LNPK: variants seen among roughly 807,000 people sequenced by gnomAD.
The protein encoded by LNPK is lunapark, ER junction formation factor, also known as endoplasmic reticulum junction formation protein lunapark.
In LNPK, 29 loss-of-function variants were observed where a neutral mutation model predicts 55.2. The ratio of observed to expected loss-of-function variants is 0.53; its 90% CI spans 0.39 to 0.72. The LOEUF (loss-of-function observed/expected upper bound fraction) is 0.72. Among genes scored for constraint, LNPK ranks in the 30% least tolerant of loss-of-function variants. The pLI is 0.00. For missense variants in LNPK, 467 were observed against 494.8 expected, an observed-to-expected ratio of 0.94 and a Z score of 0.53; for synonymous variants, 162 against 168.2, an observed-to-expected ratio of 0.96 and a Z score of 0.29.
chr2:175,979,023 A>T (rs184075246), intron 5 of LNPK, among the ~76,000 whole-genome samples: 3,062 of 152,256 alleles, frequency 0.02, 45 homozygotes, highest in Non-Finnish European at 0.034. Context: ...AACAAATAAA[A>T]TTTTTTTAAA....
At chr2:175,977,154 G>T (rs1348503658) in intron 5 of LNPK, among the ~76,000 whole-genome samples, 1 of 152,180 alleles carries the variant, frequency 6.6e-6, no homozygotes, top group Non-Finnish European at 1.5e-5. Context: ...CTGAAGGGAA[G>T]AGACTGGACT....
At chr2:175,990,164 T>A (rs1187698145) in intron 4 of LNPK, among the ~76,000 whole-genome samples, 1 of 152,224 alleles carries the variant, frequency 6.6e-6, no homozygotes, top group Admixed American at 6.5e-5. Context: ...ATGTTGAAAT[T>A]TGTCCCCCAG....
At position 175,975,484 on chromosome 2, in the gene LNPK, G is replaced by A. The variant is rs114603829; in HGVS notation, c.316+4326C>T. Among the ~76,000 whole-genome samples the A allele has an allele frequency of 2.8e-3, 428 of 152,162 alleles. 6 individuals are homozygous for A. The East Asian group carries it at 0.049, about 17-fold the overall frequency. On this transcript the variant is annotated intron_variant, in intron 5 of 12. Transcript: ENST00000272748. The stretch of plus-strand genomic sequence containing the variant: ...ATTTTTTTGTGGGTACATAGTGGCC[G>A]TATATATTTATGGGGTGCATGAGAT...
intron 12 of LNPK, among the ~76,000 whole-genome samples, chr2:175,935,172 T>C (rs1684479901): frequency 6.6e-6 from 1 of 152,218 alleles, no homozygotes; most frequent in Non-Finnish European, 1.5e-5. Flanking sequence ...AAAGTTATCT[T>C]TTGGTTCCAT....
chr2:175,993,059 A>T (rs904083639), intron 3 of LNPK, 123 bp downstream of exon 3: 2 of 590,024 alleles, frequency 3.4e-6, no homozygotes, highest in Non-Finnish European at 5.8e-6. Context: ...TAAAGTTCTC[A>T]GACTCACTCT....
At chr2:175,969,255 C>T (rs911130806) in intron 6 of LNPK, among the ~76,000 whole-genome samples, 6 of 152,166 alleles carry the variant, frequency 3.9e-5, no homozygotes, top group African/African-American at 1.4e-4. Context: ...GCCTAATGAA[C>T]CATTTAAACT....
chr2:175,958,668 G>A (rs185992224), intron 8 of LNPK, among the ~76,000 whole-genome samples: 74 of 152,244 alleles, frequency 4.9e-4, no homozygotes, highest in Middle Eastern at 3.4e-3. Flanking sequence ...CTTCTCTTCC[G>A]AAGGATTGCA....
At chr2:175,960,498 T>C (rs1370905667) in intron 8 of LNPK, among the ~76,000 whole-genome samples, 6 of 152,136 alleles carry the variant, frequency 3.9e-5, no homozygotes, top group African/African-American at 1.4e-4. Context: ...ATAAAGATGT[T>C]CTTTGAAATC....
chr2:175,961,626 C>T (rs1032745313), intron 8 of LNPK, among the ~76,000 whole-genome samples: 1 of 152,120 alleles, frequency 6.6e-6, no homozygotes, highest in Admixed American at 6.5e-5. Flanking sequence ...GGAAGCATTC[C>T]CTTTGAAAAC....
chr2:175,976,032 AAG>A (rs1206868971), intron 5 of LNPK, among the ~76,000 whole-genome samples: 2 of 152,174 alleles, frequency 1.3e-5, no homozygotes, highest in African/African-American at 2.4e-5. Context: ...GAAAGAAAGA[AAG>A]AAACTGTAAG....
chr2:175,947,310 C>A (rs1405723290), intron 9 of LNPK, among the ~76,000 whole-genome samples, 170 bp downstream of exon 9: 1 of 152,144 alleles, frequency 6.6e-6, no homozygotes, highest in Non-Finnish European at 1.5e-5. Context: ...TCACAAGGTG[C>A]CAGCTGTAAA....
At chr2:175,971,562 CTTAA>C (rs749030273) in intron 5 of LNPK, among the ~76,000 whole-genome samples, 247 of 152,120 alleles carry the variant, frequency 1.6e-3, no homozygotes, top group African/African-American at 5.6e-3. Flanking sequence ...GTTCTTAATA[CTTAA>C]TTAAATTTAT....
chr2:175,967,352 G>A (rs563599947), intron 6 of LNPK, among the ~76,000 whole-genome samples: 51 of 151,914 alleles, frequency 3.4e-4, no homozygotes, highest in African/African-American at 9.9e-4. Flanking sequence ...TATTTCTACT[G>A]GATACAGCCA....
In LNPK at chr2:175,927,290, C is replaced by A. The variant is rs1007196184; in HGVS notation, c.*2677G>T. 3 of 152,234 alleles carry A rather than the reference C, an allele frequency of 2.0e-5. No homozygotes were observed. In the East Asian group the frequency reaches 5.8e-4, roughly 29 times the overall value. The allele number at this position is 152,234 out of a possible 1,614,324, so 9.4% of individuals were successfully genotyped here. The stretch of plus-strand genomic sequence containing the variant: ...CACACAATATGCATCAAGCATTGTG[C>A]TAGACCCTTGAGATACAGACATGAA... On this transcript the variant is annotated 3_prime_UTR_variant, in exon 13 of 13. Transcript: ENST00000272748.
chr2:175,979,357 G>A (rs1231488428), intron 5 of LNPK, among the ~76,000 whole-genome samples: 2 of 152,130 alleles, frequency 1.3e-5, no homozygotes, highest in East Asian at 1.9e-4. Flanking sequence ...TCAGGAGTTC[G>A]AGACCAGCCT....
At chr2:175,949,631 A>G (rs890011745) in intron 8 of LNPK, among the ~76,000 whole-genome samples, 3 of 152,118 alleles carry the variant, frequency 2.0e-5, no homozygotes, top group Non-Finnish European at 2.9e-5. Context: ...TGCTTTTACT[A>G]TCACTAGTAC....
intron 8 of LNPK, among the ~76,000 whole-genome samples, chr2:175,956,770 T>C (rs919624103): frequency 1.3e-5 from 2 of 152,114 alleles, no homozygotes; most frequent in African/African-American, 4.8e-5. Flanking sequence ...TTAAATTCCA[T>C]AATCCATTGT....
chr2:175,937,577 GTTAACTCACAAGATCACTT>G, intron 11 of LNPK, 63 bp from the exon 12 acceptor site: 1 of 1,184,548 alleles, frequency 8.4e-7, no homozygotes, highest in East Asian at 2.5e-5. Flanking sequence ...GAACTAATTA[GTTAACTCACAAGATCACTT>G]TTGCAGATAT....
chr2:175,994,703 A>G (rs1253480168), intron 2 of LNPK, among the ~76,000 whole-genome samples: 1 of 151,838 alleles, frequency 6.6e-6, no homozygotes, highest in Admixed American at 6.6e-5. Flanking sequence ...TATTTTTAGT[A>G]GAGACGGGGT....
Sources: allele counts gnomAD v4.1 joint callset (sites outside exome capture counted in the v4.1 genomes callset), GRCh38; gene constraint gnomAD v4.1.1; transcripts MANE v1.5; gene names NCBI Gene and HGNC (gene_info 2026-07-23, HGNC 2026-07-21).